The following RAD51AP1 variants were observed in gnomAD, a reference collection of about 807,000 sequenced individuals.
The protein encoded by RAD51AP1 is RAD51 associated protein 1, also known as RAD51-associated protein 1.
Under a neutral mutation model 34.3 loss-of-function variants are expected in RAD51AP1, and 14 were observed. The observed-to-expected ratio is 0.41, with a 90% confidence interval of 0.27 to 0.64. RAD51AP1 has a LOEUF of 0.64. Ranked by LOEUF, RAD51AP1 falls within the 30% of genes least tolerant of loss-of-function variation. RAD51AP1 has a pLI of 0.33. For missense variants in RAD51AP1, 348 were observed against 386.9 expected (o/e 0.90, Z 0.84); for synonymous variants, 114 against 129.8 (o/e 0.88, Z 0.83).
intron 3 of RAD51AP1, chr12:4,545,683 A>G (rs1188944340): frequency 1.6e-6 from 2 of 1,287,852 alleles, no homozygotes; most frequent in Non-Finnish European, 2.2e-6. Flanking sequence ...CTTATACTCC[A>G]TAGCACTTTT....
At chr12:4,546,691 A>T (rs1417858716) in intron 4 of RAD51AP1, among the ~76,000 whole-genome samples, 1 of 152,212 alleles carries the variant, frequency 6.6e-6, no homozygotes, top group Non-Finnish European at 1.5e-5. Context: ...TGTACAGTGA[A>T]CATTTAATTT....
intron 3 of RAD51AP1, chr12:4,545,941 A>C (rs1181849740): frequency 7.6e-7 from 1 of 1,309,784 alleles, no homozygotes; most frequent in African/African-American, 1.5e-5. Context: ...GCTAAAGGGG[A>C]GTGGGTGAGG....
At chr12:4,558,747 G>A in intron 8 of RAD51AP1, 110 bp from the exon 9 acceptor site, 1 of 1,305,772 alleles carries the variant, frequency 7.7e-7, no homozygotes, top group Non-Finnish European at 1.1e-6. Context: ...GATAGACACT[G>A]GAAAGCAGAA....
At chr12:4,544,161 G>GT (rs200367215) in intron 3 of RAD51AP1, among the ~76,000 whole-genome samples, 21,366 of 152,136 alleles carry the variant, frequency 0.14, 1,919 homozygotes, top group Middle Eastern at 0.21. Flanking sequence ...GGTTTTGACA[G>GT]GACCCAGCAC....
At chr12:4,554,149 G>T (rs1217811822) in intron 7 of RAD51AP1, among the ~76,000 whole-genome samples, 4 of 152,136 alleles carry the variant, frequency 2.6e-5, no homozygotes, top group Non-Finnish European at 4.4e-5. Context: ...CAGCAAAACT[G>T]TGGTCCTTTG....
At chr12:4,546,507 G>A in intron 4 of RAD51AP1, 89 bp downstream of exon 4, 1 of 846,302 alleles carries the variant, frequency 1.2e-6, no homozygotes, top group Non-Finnish European at 1.9e-6. Flanking sequence ...GAGGAAACAG[G>A]TAAAATGTGA....
At chr12:4,557,988 T>G (rs1944594522) in intron 8 of RAD51AP1, among the ~76,000 whole-genome samples, 1 of 152,098 alleles carries the variant, frequency 6.6e-6, no homozygotes, top group Non-Finnish European at 1.5e-5. Flanking sequence ...TTTTTGTTGT[T>G]GTTGTTAGCA....
intron 8 of RAD51AP1, among the ~76,000 whole-genome samples, chr12:4,557,820 C>T (rs965894888): frequency 1.1e-4 from 16 of 152,112 alleles, no homozygotes; most frequent in African/African-American, 3.9e-4. Flanking sequence ...GACTCAGGAG[C>T]GCGTACCCTT....
rs761582242 is a variant in RAD51AP1, at chr12:4,556,356, C to T, written c.725C>T (p.Thr242Ile). ...KSKSKCNALV[T>I]SVDSAPAAVK... ...TTACGTATATTTTTCAAATAAGTGA[C>T]TTCGGTGGACTCTGCTCCAGCTGCC... is the stretch of plus-strand genomic sequence containing the variant. Residue 242 changes from threonine (T) to isoleucine (I), a missense_variant, in exon 8 of 9, where the codon ACT (threonine) becomes ATT (isoleucine). Physicochemically the swap from Thr to Ile is moderately conservative, Grantham distance 89 (BLOSUM62 -1). Coordinates refer to ENST00000352618, the MANE Select transcript of RAD51AP1 (RefSeq NM_006479.5). 6.2e-7 allele frequency: 1 copy of T among 1,609,394 alleles called. No homozygotes were observed. The highest frequency in any genetic ancestry group is 1.1e-5 in the South Asian group (1 of 90,194).
chr12:4,548,750 C>CTTT lies in RAD51AP1; in HGVS notation c.471_472insTTT (p.Ser157_Lys158insPhe). On this transcript the variant is annotated inframe_insertion, in exon 6 of 9. Transcript: ENST00000352618. ...GTTCAAGGGAAAAGAAAAGCAGCAT[C>CTTT]TAAAGCTGCAGCACAGCAGAGGAAG... 6.2e-7 allele frequency: 1 copy of CTTT among 1,614,008 alleles called. No individual in the cohort carries two copies. Among genetic ancestry groups the CTTT allele is most frequent in the Non-Finnish European group, 8.5e-7 (1 of 1,179,882 alleles).
intron 1 of RAD51AP1, among the ~76,000 whole-genome samples, chr12:4,540,480 T>A (rs1944458242): frequency 6.6e-6 from 1 of 151,492 alleles, no homozygotes; most frequent in Admixed American, 6.6e-5. Context: ...TGCTGGCACC[T>A]CAGAACAATT....
At chr12:4,545,191 G>T (rs904696228) in intron 3 of RAD51AP1, 1 of 451,892 alleles carries the variant, frequency 2.2e-6, no homozygotes, top group Admixed American at 2.4e-5. Context: ...AGTAAAATGT[G>T]GTTTCCACAA....
chr12:4,541,940 A>G lies in RAD51AP1; in HGVS notation c.67+7A>G, dbSNP rs769935592. The G allele has an allele frequency of 6.6e-7, 1 of 1,505,650 alleles. No homozygotes were observed. Among genetic ancestry groups the G allele is most frequent in the South Asian group, 1.4e-5 (1 of 72,136 alleles). The allele number at this position is 1,505,650 out of a possible 1,614,324, so 93.3% of individuals were successfully genotyped here. A position where few individuals can be genotyped will look rare whatever the true frequency, so the allele number is the denominator to read the frequency against. Reference sequence around the variant, plus strand: ...GACCACTCTGACAGTGATGGTAAGTAAAGCTTCTTATTTTTGTTCTAAAGA... The same window carrying G: ...GACCACTCTGACAGTGATGGTAAGTGAAGCTTCTTATTTTTGTTCTAAAGA... On this transcript the variant is annotated splice_region_variant and intron_variant, in intron 2 of 8. Coordinates refer to ENST00000352618, the MANE Select transcript of RAD51AP1 (RefSeq NM_006479.5).
Position 4,546,367 on chromosome 12 carries a change from G to C in RAD51AP1, c.268G>C (p.Val90Leu). 1 of 1,613,288 alleles carries C rather than the reference G, an allele frequency of 6.2e-7. No homozygotes were observed. Among genetic ancestry groups the C allele is most frequent in the Non-Finnish European group, 8.5e-7 (1 of 1,179,656 alleles). Residue 90 changes from valine (V) to leucine (L), a missense_variant, in exon 4 of 9, where the codon GTG becomes CTG. Val to Leu is a conservative substitution (Grantham distance 32). Transcript: ENST00000352618. ...CTTAGAAGTTGCACTAGCTTTATCA[G>C]TGAAGGAACTTCCAACAGTCACCAC... ...RDLEVALALS[V>L]KELPTVTTNV...
At chr12:4,546,255 T>G in intron 3 of RAD51AP1, 54 bp from the exon 4 acceptor site, 5 of 1,311,092 alleles carry the variant, frequency 3.8e-6, no homozygotes, top group Middle Eastern at 2.7e-4. Flanking sequence ...ACTTTGCTCT[T>G]TAGTTGAGAT....
intron 3 of RAD51AP1, chr12:4,545,187 A>T (rs1309593230): frequency 2.2e-6 from 1 of 452,468 alleles, no homozygotes; most frequent in East Asian, 7.0e-5. Context: ...GATAAGTAAA[A>T]TGTGGTTTCC....
rs367628374 is a variant in RAD51AP1 at position 4,559,084 on chromosome 12, G to A, written c.*91G>A. 26 of 1,466,800 alleles carry A rather than the reference G, an allele frequency of 1.8e-5. No homozygotes were observed. Among genetic ancestry groups the A allele is most frequent in the East Asian group, 2.3e-5 (1 of 43,630 alleles). 90.9% of individuals were successfully genotyped at this position (1,466,800 alleles called of 1,614,324 possible). A position where few individuals can be genotyped will look rare whatever the true frequency, so the allele number is the denominator to read the frequency against. ...TGTGTTTATATTTGAGGCAGGTATT[G>A]TAATATAAAGGAATCCATTACCATG... On this transcript the variant is annotated 3_prime_UTR_variant, in exon 9 of 9. Coordinates refer to ENST00000352618, the MANE Select transcript of RAD51AP1 (RefSeq NM_006479.5).
intron 6 of RAD51AP1, among the ~76,000 whole-genome samples, chr12:4,551,323 C>T (rs763749960): frequency 2.0e-5 from 3 of 151,782 alleles, no homozygotes; most frequent in Non-Finnish European, 4.4e-5. Flanking sequence ...TGGTGAAACC[C>T]CTTCTCTACT....
chr12:4,559,825 G>A lies in RAD51AP1; in HGVS notation c.*832G>A, dbSNP rs1017772042. 1 of 152,134 alleles carries A rather than the reference G, an allele frequency of 6.6e-6. No individual in the cohort carries two copies. The highest frequency in any genetic ancestry group is 2.4e-5 in the African/African-American group (1 of 41,440). 9.4% of individuals were successfully genotyped at this position (152,134 alleles called of 1,614,324 possible). A position where few individuals can be genotyped will look rare whatever the true frequency, so the allele number is the denominator to read the frequency against. On this transcript the variant is annotated 3_prime_UTR_variant, in exon 9 of 9. Transcript: ENST00000352618. ...GATATGAGATAGTACAGCTTTTCAG[G>A]AAGCTTAGATCTGAATTTACTTTGA...
Sources: allele counts gnomAD v4.1 joint callset (sites outside exome capture counted in the v4.1 genomes callset), GRCh38; gene constraint gnomAD v4.1.1; transcripts MANE v1.5; gene names NCBI Gene and HGNC (gene_info 2026-07-23, HGNC 2026-07-21).